Variants in GAS7 observed in about 807,000 individuals in gnomAD.
GAS7 encodes the protein growth arrest-specific protein 7.
A neutral mutation model predicts 71.1 loss-of-function variants in GAS7; 28 were observed. The observed-to-expected ratio is 0.39, with a 90% CI of 0.29 to 0.54. GAS7 has a LOEUF of 0.54. Among genes scored for constraint, GAS7 ranks in the 20% least tolerant of loss-of-function variants. The probability of loss-of-function intolerance (pLI) is 0.62; values close to 1 mark genes in which losing one functional copy is unlikely to be tolerated. For synonymous variants in GAS7, 258 were observed against 245.8 expected (o/e 1.05, Z -0.46); for missense variants, 436 against 627.8 (o/e 0.69, Z 3.27).
At chr17:9,925,637 T>C (rs2067973960) in intron 10 of GAS7, 38 bp from the exon 11 acceptor site, 1 of 1,613,062 alleles carries the variant, frequency 6.2e-7, no homozygotes, top group African/African-American at 1.3e-5. Context: ...CTCATACAGC[T>C]CGGAGCCAGT....
intron 1 of GAS7, among the ~76,000 whole-genome samples, chr17:10,031,645 T>C (rs2072620659): frequency 6.6e-6 from 1 of 152,196 alleles, no homozygotes; most frequent in African/African-American, 2.4e-5. Context: ...ATGAGATTTT[T>C]ATGGTCGTTG....
intron 1 of GAS7, among the ~76,000 whole-genome samples, chr17:10,080,705 G>A (rs2073448772): frequency 1.3e-5 from 2 of 152,182 alleles, no homozygotes. Context: ...AAAACGTAGT[G>A]CCATTTTAAT....
chr17:10,125,693 C>T (rs939040774), intron 1 of GAS7, among the ~76,000 whole-genome samples: 4 of 151,638 alleles, frequency 2.6e-5, no homozygotes, highest in South Asian at 2.1e-4. Context: ...GAATGAGGCC[C>T]GGGTGTGAGG....
intron 1 of GAS7, among the ~76,000 whole-genome samples, chr17:10,072,438 C>T (rs962444484): frequency 1.3e-5 from 2 of 152,152 alleles, no homozygotes; most frequent in African/African-American, 4.8e-5. Context: ...CCCCAGCCTT[C>T]GCCCATGGCT....
intron 1 of GAS7, among the ~76,000 whole-genome samples, chr17:10,060,429 C>T (rs1280548963): frequency 6.6e-6 from 1 of 152,104 alleles, no homozygotes; most frequent in Non-Finnish European, 1.5e-5. Context: ...TTCTACATTC[C>T]TCTTGGATAT....
chr17:9,976,798 AAT>A (rs2070224373), intron 3 of GAS7, among the ~76,000 whole-genome samples: 1 of 152,192 alleles, frequency 6.6e-6, no homozygotes, highest in African/African-American at 2.4e-5. Flanking sequence ...CTCAAAAAAT[AAT>A]AGATTTCTTT....
chr17:10,053,730 C>T (rs551407616), intron 1 of GAS7, among the ~76,000 whole-genome samples: 11 of 152,296 alleles, frequency 7.2e-5, no homozygotes, highest in East Asian at 1.9e-4. Flanking sequence ...CCGCAGGTAC[C>T]GACTCTGCCT....
Position 10,058,613 on chromosome 17 carries a change from C to A in GAS7, c.184-38716G>T, listed in dbSNP as rs141225091. On this transcript the variant is annotated intron_variant, in intron 1 of 13. Transcript: ENST00000432992. ...CAACTCCTCTGGCTGGGCCAGTGTT[C>A]TGATACCGGTGCCATCCTCTCCCAG... Among the ~76,000 whole-genome samples the A allele has an allele frequency of 1.9e-3, 293 of 152,330 alleles. 1 individual carries two copies. Among genetic ancestry groups the A allele is most frequent in the African/African-American group, 6.9e-3 (288 of 41,572 alleles).
intron 8 of GAS7, among the ~76,000 whole-genome samples, chr17:9,938,749 C>T (rs144740820): frequency 2.3e-4 from 35 of 152,216 alleles, no homozygotes; most frequent in African/African-American, 5.5e-4. Context: ...AAAGGAAACC[C>T]GGTAACTTTT....
At chr17:9,918,427 C>G (rs964215096) in intron 12 of GAS7, among the ~76,000 whole-genome samples, 2 of 152,230 alleles carry the variant, frequency 1.3e-5, no homozygotes, top group African/African-American at 4.8e-5. Context: ...GAACTAACAC[C>G]TAGAGAGGCA....
At position 10,031,315 on chromosome 17, in the gene GAS7, C is replaced by T. The variant is rs547679476; in HGVS notation, c.184-11418G>A. The stretch of plus-strand genomic sequence containing the variant: ...TAAAGAAATGGAGTGATCTGGTTAA[C>T]CAGGAATTTTGATGAACATAATTAC... On this transcript the variant is annotated intron_variant, in intron 1 of 13. Coordinates refer to ENST00000432992, the MANE Select transcript of GAS7 (RefSeq NM_201433.2). Among the ~76,000 whole-genome samples the T allele has an allele frequency of 9.8e-5, 15 of 152,312 alleles. No homozygotes were observed. In the South Asian group the frequency reaches 3.1e-3, roughly 32 times the overall value.
At chr17:10,165,990 C>T (rs1480362793) in intron 1 of GAS7, among the ~76,000 whole-genome samples, 1 of 151,492 alleles carries the variant, frequency 6.6e-6, no homozygotes, top group African/African-American at 2.4e-5. Flanking sequence ...ACCCAGGACT[C>T]CTGGCTTTCT....
chr17:10,024,976 A>G (rs2072410888), intron 1 of GAS7, among the ~76,000 whole-genome samples: 1 of 152,206 alleles, frequency 6.6e-6, no homozygotes, highest in Non-Finnish European at 1.5e-5. Flanking sequence ...TGCTTTAGAC[A>G]ATCAGCTACT....
intron 2 of GAS7, among the ~76,000 whole-genome samples, chr17:10,013,102 C>CAAA (rs1207550210): frequency 1.0e-5 from 1 of 96,816 alleles, no homozygotes; most frequent in South Asian, 3.5e-4. Context: ...GACTCTGTCT[C>CAAA]AAAAAAAAAA....
At chr17:9,962,503 G>A (rs2069539224) in intron 4 of GAS7, among the ~76,000 whole-genome samples, 1 of 152,182 alleles carries the variant, frequency 6.6e-6, no homozygotes, top group Admixed American at 6.5e-5. Flanking sequence ...GCTACCACAG[G>A]CCAAATCTGC....
At chr17:10,068,821 G>GGACACA (rs2073310136) in intron 1 of GAS7, among the ~76,000 whole-genome samples, 1 of 151,940 alleles carries the variant, frequency 6.6e-6, no homozygotes, top group Non-Finnish European at 1.5e-5. Context: ...ATCAGTGAAG[G>GGACACA]GACACAGAAC....
chr17:10,108,039 T>G (rs1597796427), intron 1 of GAS7, among the ~76,000 whole-genome samples: 1 of 150,366 alleles, frequency 6.7e-6, no homozygotes, highest in East Asian at 2.0e-4. Context: ...GTGGAGGGCT[T>G]GGCAGGGGAA....
At chr17:10,047,825 T>A (rs757048887) in intron 1 of GAS7, among the ~76,000 whole-genome samples, 9 of 152,154 alleles carry the variant, frequency 5.9e-5, no homozygotes, top group Non-Finnish European at 1.3e-4. Context: ...CTTGCGGGGC[T>A]AACAGGAAAA....
At chr17:10,174,593 G>A (rs978866287) in intron 1 of GAS7, among the ~76,000 whole-genome samples, 3 of 152,072 alleles carry the variant, frequency 2.0e-5, no homozygotes, top group South Asian at 4.1e-4. Context: ...TCGGGAGGCC[G>A]AGGCAGGAGA....
Sources: gnomAD v4.1 joint callset for allele counts (sites outside exome capture counted in the v4.1 genomes callset) on GRCh38, gnomAD v4.1.1 for gene constraint, MANE v1.5 for transcripts, NCBI Gene and HGNC (gene_info 2026-07-23, HGNC 2026-07-21) for gene names.